Variants in CSMD3 observed in about 807,000 individuals in gnomAD.
CSMD3 encodes CUB and Sushi multiple domains 3.
CSMD3 carries 177 observed loss-of-function variants against 435.2 expected under a neutral mutation model. That is an observed-to-expected ratio of 0.41 (90% CI 0.36 to 0.46). CSMD3 has a LOEUF of 0.46. Ranked by LOEUF, CSMD3 falls within the 20% of genes least tolerant of loss-of-function variation. CSMD3 has a pLI of 0.34. For missense variants in CSMD3, 4,265 were observed against 4,504.6 expected (o/e 0.95, Z 1.52); for synonymous variants, 1,656 against 1,520.5 (o/e 1.09, Z -2.07).
intron 11 of CSMD3, among the ~76,000 whole-genome samples, chr8:112,849,608 G>T (rs1207466406): frequency 2.0e-5 from 3 of 151,612 alleles, no homozygotes; most frequent in Admixed American, 2.0e-4. Context: ...CAATTTTCAG[G>T]CTATAGTGGA....
chr8:112,393,113 C>T (rs56139522), intron 35 of CSMD3, among the ~76,000 whole-genome samples: 29,267 of 151,954 alleles, frequency 0.19, 3,387 homozygotes, highest in Middle Eastern at 0.37. Context: ...GGTCTTGAAT[C>T]ACCAGCCTCA....
intron 2 of CSMD3, among the ~76,000 whole-genome samples, chr8:113,289,180 A>T (rs757288338): frequency 4.0e-5 from 6 of 151,788 alleles, no homozygotes; most frequent in Non-Finnish European, 8.9e-5. Context: ...ATACAAGCAC[A>T]TCACTTAGAA....
chr8:112,363,038 T>C (rs1330877194), intron 38 of CSMD3, among the ~76,000 whole-genome samples: 1 of 152,006 alleles, frequency 6.6e-6, no homozygotes, highest in Non-Finnish European at 1.5e-5. Flanking sequence ...ATTTGAACTT[T>C]CTGTGTTTAA....
intron 10 of CSMD3, among the ~76,000 whole-genome samples, chr8:112,899,604 T>C (rs1476080589): frequency 5.9e-5 from 1 of 16,906 alleles, no homozygotes; most frequent in Non-Finnish European, 8.3e-5. Flanking sequence ...CTATTTTATA[T>C]ATATATATAT....
Position 112,636,806 on chromosome 8 carries a change from T to C in CSMD3, c.3715+11A>G. ...ACACATACAAGCAAATGAAAGCAGC[T>C]GACCACGTACCCACACACCTTGGCA... is the stretch of plus-strand genomic sequence containing the variant. On this transcript the variant is annotated intron_variant, in intron 22 of 70. Transcript: ENST00000297405. 6.2e-7 allele frequency: 1 copy of C among 1,611,430 alleles called. No individual in the cohort carries two copies. Among genetic ancestry groups the C allele is most frequent in the Non-Finnish European group, 8.5e-7 (1 of 1,178,000 alleles).
At chr8:112,236,004 G>A (rs932935652) in intron 67 of CSMD3, among the ~76,000 whole-genome samples, 1 of 151,746 alleles carries the variant, frequency 6.6e-6, no homozygotes. Context: ...CAATTTAAAT[G>A]TATTTGTCTC....
intron 68 of CSMD3, among the ~76,000 whole-genome samples, chr8:112,233,207 A>C (rs1053474602): frequency 6.6e-6 from 1 of 152,238 alleles, no homozygotes; most frequent in African/African-American, 2.4e-5. Context: ...AATGGCAATT[A>C]GTTACCTAAG....
intron 2 of CSMD3, chr8:113,314,286 G>C (rs187497350): frequency 2.9e-4 from 100 of 348,992 alleles, no homozygotes; most frequent in African/African-American, 1.9e-3. Flanking sequence ...ATGAAACCTT[G>C]AGATAATCAT....
intron 13 of CSMD3, among the ~76,000 whole-genome samples, chr8:112,707,486 G>A (rs550239468): frequency 6.6e-5 from 10 of 150,720 alleles, no homozygotes; most frequent in East Asian, 3.9e-4. Context: ...GGTGCGGCGG[G>A]AGGGGGGTGG....
intron 33 of CSMD3, 93 bp downstream of exon 33, chr8:112,408,826 T>C: frequency 1.3e-6 from 2 of 1,595,644 alleles, no homozygotes; most frequent in Non-Finnish European, 1.7e-6. Context: ...TTATTTCTTA[T>C]ATTGATGATA....
At chr8:112,551,759 A>C (rs536968237) in intron 26 of CSMD3, among the ~76,000 whole-genome samples, 1 of 152,242 alleles carries the variant, frequency 6.6e-6, no homozygotes, top group East Asian at 1.9e-4. Context: ...CCATCAATGC[A>C]TAGTAGTATA....
chr8:113,108,566 G>A (rs28690728), intron 4 of CSMD3, among the ~76,000 whole-genome samples: 151 of 152,066 alleles, frequency 9.9e-4, no homozygotes, highest in South Asian at 1.9e-3. Flanking sequence ...ATAACTATTC[G>A]CAGATTCCAG....
At chr8:113,144,254 A>T (rs2131744258) in intron 4 of CSMD3, among the ~76,000 whole-genome samples, 1 of 151,510 alleles carries the variant, frequency 6.6e-6, no homozygotes, top group South Asian at 2.1e-4. Context: ...TCTCTCAGTC[A>T]TCATTGTTCC....
chr8:112,980,092 T>A (rs1473536915), intron 6 of CSMD3, among the ~76,000 whole-genome samples: 1 of 150,646 alleles, frequency 6.6e-6, no homozygotes, highest in Non-Finnish European at 1.5e-5. Context: ...CAAAAATTTT[T>A]TGAAAGTTAT....
chr8:112,368,210 GTT>G (rs1827973551), intron 38 of CSMD3, among the ~76,000 whole-genome samples: 1 of 152,036 alleles, frequency 6.6e-6, no homozygotes, highest in Non-Finnish European at 1.5e-5. Context: ...TTTTGATGAG[GTT>G]TTCCCTGACT....
rs550482693 is a variant in CSMD3, at chr8:112,584,906, T to C, written c.3885+2160A>G. On this transcript the variant is annotated intron_variant, in intron 23 of 70. Coordinates refer to ENST00000297405, the MANE Select transcript of CSMD3 (RefSeq NM_198123.2). ...ATTAGTTTTCAGTTAGGCAAATAAC[T>C]TTCCACCCTAAGATGACTTTAGGCT... Among the ~76,000 whole-genome samples, 5 of 151,880 alleles carry C rather than the reference T, an allele frequency of 3.3e-5. No individual in the cohort carries two copies. The South Asian group carries it at 8.3e-4, about 25-fold the overall frequency.
At chr8:112,604,363 C>A (rs1832624518) in intron 22 of CSMD3, among the ~76,000 whole-genome samples, 1 of 151,780 alleles carries the variant, frequency 6.6e-6, no homozygotes, top group Non-Finnish European at 1.5e-5. Context: ...TGAAAAATGT[C>A]ATTGATAGTT....
intron 35 of CSMD3, among the ~76,000 whole-genome samples, chr8:112,399,089 G>A (rs977647607): frequency 1.3e-5 from 2 of 151,652 alleles, no homozygotes; most frequent in Admixed American, 6.6e-5. Flanking sequence ...GCTAATTTTT[G>A]TATTTTTAGT....
intron 32 of CSMD3, among the ~76,000 whole-genome samples, chr8:112,433,879 T>C (rs1345280306): frequency 6.6e-6 from 1 of 152,032 alleles, no homozygotes; most frequent in African/African-American, 2.4e-5. Context: ...ATCAATTACT[T>C]CTTTTATTTA....
Sources: gnomAD v4.1 joint callset for allele counts (sites outside exome capture counted in the v4.1 genomes callset) on GRCh38, gnomAD v4.1.1 for gene constraint, MANE v1.5 for transcripts, NCBI Gene and HGNC (gene_info 2026-07-23, HGNC 2026-07-21) for gene names.